The following CDYL2 variants were observed in gnomAD, a reference collection of about 807,000 sequenced individuals.
CDYL2 encodes chromodomain Y like 2.
In CDYL2, 23 loss-of-function variants were observed where a neutral mutation model predicts 49.4. That is an observed-to-expected ratio of 0.47 (90% CI 0.34 to 0.66). The LOEUF (loss-of-function observed/expected upper bound fraction) is 0.66, where lower values mean the gene tolerates loss of function less well. CDYL2 is among the 30% of genes least tolerant of loss of function. The probability of loss-of-function intolerance (pLI) is 0.01; values close to 1 mark genes in which losing one functional copy is unlikely to be tolerated. For missense variants in CDYL2, 678 were observed against 656.4 expected, an observed-to-expected ratio of 1.03 and a Z score of -0.36; for synonymous variants, 360 against 268.8, an observed-to-expected ratio of 1.34 and a Z score of -3.32.
At chr16:80,671,339 C>T (rs539488025) in intron 2 of CDYL2, among the ~76,000 whole-genome samples, 153 of 152,272 alleles carry the variant, frequency 1.0e-3, no homozygotes, top group African/African-American at 3.6e-3. Flanking sequence ...TCTGCCAGTT[C>T]ATCAAAAATT....
intron 1 of CDYL2, among the ~76,000 whole-genome samples, chr16:80,711,114 G>A (rs1241259238): frequency 2.0e-5 from 3 of 152,184 alleles, no homozygotes; most frequent in African/African-American, 2.4e-5. Flanking sequence ...GTTGTGCTAC[G>A]CGACTGGCAA....
rs1298909673 is a variant in CDYL2, at chr16:80,598,887, T to C, written c.*5501A>G. 3 of 152,280 alleles carry C rather than the reference T, an allele frequency of 2.0e-5. No individual in the cohort carries two copies. The highest frequency in any genetic ancestry group is 3.9e-4 in the East Asian group (2 of 5,184). The allele number at this position is 152,280 out of a possible 1,614,324, so 9.4% of individuals were successfully genotyped here. A position where few individuals can be genotyped will look rare whatever the true frequency, so the allele number is the denominator to read the frequency against. ...CCCACAATCTATGAAACTCAGGCTT[T>C]GTTAGAATAATGGAATTCTTTGGTT... is the stretch of plus-strand genomic sequence containing the variant. On this transcript the variant is annotated 3_prime_UTR_variant, in exon 7 of 7. Coordinates refer to ENST00000570137, the MANE Select transcript of CDYL2 (RefSeq NM_152342.4).
intron 1 of CDYL2, among the ~76,000 whole-genome samples, chr16:80,709,424 T>C (rs1243395596): frequency 6.7e-6 from 1 of 150,080 alleles, no homozygotes; most frequent in Non-Finnish European, 1.5e-5. Context: ...TCCAACACAA[T>C]TTATATATCA....
intron 1 of CDYL2, among the ~76,000 whole-genome samples, chr16:80,779,556 G>C (rs1907196496): frequency 6.6e-6 from 1 of 151,930 alleles, no homozygotes; most frequent in South Asian, 2.1e-4. Context: ...ACAAAGATTT[G>C]TAGAGAAAGC....
At chr16:80,802,264 G>A (rs1298111660) in intron 1 of CDYL2, among the ~76,000 whole-genome samples, 2 of 152,142 alleles carry the variant, frequency 1.3e-5, no homozygotes, top group Non-Finnish European at 2.9e-5. Context: ...ACACCTTCAA[G>A]ACACAACTTT....
intron 1 of CDYL2, among the ~76,000 whole-genome samples, chr16:80,752,485 A>G (rs112220535): frequency 1.3e-5 from 2 of 152,306 alleles, no homozygotes; most frequent in African/African-American, 4.8e-5. Context: ...AGCAAAGACA[A>G]AGATAAATTC....
intron 1 of CDYL2, among the ~76,000 whole-genome samples, chr16:80,758,912 C>T (rs539757741): frequency 4.6e-5 from 7 of 151,732 alleles, no homozygotes; most frequent in Middle Eastern, 3.4e-3. Flanking sequence ...TTAAGGAAAT[C>T]ACAGTACCTC....
chr16:80,653,630 G>C (rs1483668544), intron 2 of CDYL2, among the ~76,000 whole-genome samples: 1 of 152,186 alleles, frequency 6.6e-6, no homozygotes, highest in Non-Finnish European at 1.5e-5. Context: ...GGCATGTAAT[G>C]TGAGATAAGC....
At chr16:80,732,325 C>T (rs1025739517) in intron 1 of CDYL2, among the ~76,000 whole-genome samples, 27 of 152,132 alleles carry the variant, frequency 1.8e-4, no homozygotes, top group Admixed American at 6.5e-4. Context: ...ATCTTGGGTT[C>T]GGTGACATAT....
intron 1 of CDYL2, among the ~76,000 whole-genome samples, chr16:80,701,087 C>T (rs13336607): frequency 0.046 from 7,071 of 152,222 alleles, 243 homozygotes; most frequent in African/African-American, 0.1. Flanking sequence ...CTGCACAAAC[C>T]CTTGAACCAG....
At chr16:80,639,879 CA>C (rs540187741) in intron 2 of CDYL2, 125 of 360,070 alleles carry the variant, frequency 3.5e-4, no homozygotes, top group Non-Finnish European at 5.8e-4. Flanking sequence ...AAAAGCATAC[CA>C]AACTCAGCTG....
rs538432449 is a variant in CDYL2, at chr16:80,748,506, TAAAAAAAAAAAAAAAAAAA to T, written c.24+55625_24+55643del. 5.7e-4 allele frequency among the ~76,000 whole-genome samples: 11 copies of T among 19,140 alleles called. 1 individual carries two copies. The highest frequency in any genetic ancestry group is 9.6e-4 in the Admixed American group (1 of 1,038). 12.6% of individuals were successfully genotyped at this position (19,140 alleles called of 152,430 possible). ...CCTGGGCGACAGAGCAAAACTCCAT[TAAAAAAAAAAAAAAAAAAA>T]AAAAAAAAAAAAAAACTCAGGTGGG... On this transcript the variant is annotated intron_variant, in intron 1 of 6. Coordinates refer to ENST00000570137, the MANE Select transcript of CDYL2 (RefSeq NM_152342.4).
chr16:80,794,386 C>G (rs1347580393), intron 1 of CDYL2, among the ~76,000 whole-genome samples: 1 of 152,036 alleles, frequency 6.6e-6, no homozygotes, highest in Admixed American at 6.5e-5. Context: ...TCTAAGAACA[C>G]TGAAGAACCA....
In CDYL2 at chr16:80,742,465, G is replaced by GATGGATGA. The variant is rs1555534524; in HGVS notation, c.25-57337_25-57336insTCATCCAT. Among the ~76,000 whole-genome samples, 3 of 147,322 alleles carry GATGGATGA rather than the reference G, an allele frequency of 2.0e-5. No individual in the cohort carries two copies. The South Asian group carries it at 6.5e-4, about 32-fold the overall frequency. On this transcript the variant is annotated intron_variant, in intron 1 of 6. Coordinates refer to ENST00000570137, the MANE Select transcript of CDYL2 (RefSeq NM_152342.4). Reference sequence around the variant, plus strand: ...AGGATGGATGGAGGATGGATGCATGGATGGATGGATGGATGGATGGATGGA... The same window carrying GATGGATGA: ...AGGATGGATGGAGGATGGATGCATGGATGGATGAATGGATGGATGGATGGATGGATGGA...
intron 2 of CDYL2, among the ~76,000 whole-genome samples, chr16:80,667,297 G>T (rs1032408765): frequency 1.3e-5 from 2 of 152,184 alleles, no homozygotes; most frequent in African/African-American, 4.8e-5. Context: ...AGCCTCCCGT[G>T]CAGGCTGCTC....
At chr16:80,720,505 G>C (rs1439915663) in intron 1 of CDYL2, among the ~76,000 whole-genome samples, 1 of 152,310 alleles carries the variant, frequency 6.6e-6, no homozygotes, top group East Asian at 1.9e-4. Flanking sequence ...AGAAAGGAGG[G>C]TATGCTCGTC....
intron 3 of CDYL2, among the ~76,000 whole-genome samples, chr16:80,621,465 T>C (rs1401165439): frequency 2.0e-5 from 3 of 152,232 alleles, no homozygotes; most frequent in African/African-American, 7.2e-5. Context: ...AGTGTCCCAC[T>C]GGAGTTCCAA....
chr16:80,748,617 G>C (rs146796839), intron 1 of CDYL2, among the ~76,000 whole-genome samples: 1 of 130,776 alleles, frequency 7.6e-6, no homozygotes, highest in Non-Finnish European at 1.6e-5. Flanking sequence ...GGGTTAATAA[G>C]AAATATTTCT....
chr16:80,698,752 C>T (rs1230069985), intron 1 of CDYL2, among the ~76,000 whole-genome samples: 3 of 152,088 alleles, frequency 2.0e-5, no homozygotes, highest in African/African-American at 7.2e-5. Flanking sequence ...CACCTTCTGC[C>T]ATGATTGTAA....
Sources: allele counts gnomAD v4.1 joint callset (sites outside exome capture counted in the v4.1 genomes callset), GRCh38; gene constraint gnomAD v4.1.1; transcripts MANE v1.5; gene names NCBI Gene and HGNC (gene_info 2026-07-23, HGNC 2026-07-21).